Variants in SLC30A8 observed in about 807,000 individuals in gnomAD.
SLC30A8 encodes the protein solute carrier family 30 member 8, also known as proton-coupled zinc antiporter SLC30A8.
In SLC30A8, 27 loss-of-function variants were observed where a neutral mutation model predicts 36.9. The ratio of observed to expected loss-of-function variants is 0.73; its 90% CI spans 0.54 to 1.01. SLC30A8 has a LOEUF of 1.01. Among genes scored for constraint, SLC30A8 ranks in the 50% least tolerant of loss-of-function variants. The probability of loss-of-function intolerance (pLI) is 0.00; values close to 1 mark genes in which losing one functional copy is unlikely to be tolerated. For missense variants in SLC30A8, 439 were observed against 452.0 expected (o/e 0.97, Z 0.26); for synonymous variants, 164 against 172.4 (o/e 0.95, Z 0.38).
chr8:117,005,366 T>C (rs1190940052), intron 1 of SLC30A8, among the ~76,000 whole-genome samples: 2 of 152,244 alleles, frequency 1.3e-5, no homozygotes, highest in Admixed American at 1.3e-4. Flanking sequence ...AGCATAAGAT[T>C]TTCAAGGTTC....
At chr8:116,973,047 C>T (rs968022934) in intron 1 of SLC30A8, among the ~76,000 whole-genome samples, 1 of 152,082 alleles carries the variant, frequency 6.6e-6, no homozygotes, top group African/African-American at 2.4e-5. Context: ...GAATGGGATT[C>T]GTTCTCTTAT....
chr8:117,042,627 T>A (rs1270369998), intron 2 of SLC30A8, among the ~76,000 whole-genome samples: 1 of 151,962 alleles, frequency 6.6e-6, no homozygotes, highest in African/African-American at 2.4e-5. Context: ...TGCTGAGACT[T>A]GGAATAGGCT....
chr8:117,075,807 A>T (rs1447786299), intron 2 of SLC30A8, among the ~76,000 whole-genome samples: 1 of 152,120 alleles, frequency 6.6e-6, no homozygotes, highest in Non-Finnish European at 1.5e-5. Flanking sequence ...CAGGCAAAAA[A>T]CCTTGATAGG....
intron 1 of SLC30A8, among the ~76,000 whole-genome samples, chr8:117,036,567 A>C (rs1325334828): frequency 6.6e-6 from 1 of 152,136 alleles, no homozygotes; most frequent in Non-Finnish European, 1.5e-5. Flanking sequence ...GAAACTTCCA[A>C]TCATGGCGGA....
chr8:117,031,754 G>A (rs1817058864), intron 1 of SLC30A8, among the ~76,000 whole-genome samples: 1 of 152,028 alleles, frequency 6.6e-6, no homozygotes, highest in African/African-American at 2.4e-5. Flanking sequence ...GTGAGCCACC[G>A]CACCCAGCCG....
In SLC30A8 at chr8:117,088,432, G is replaced by A. The variant is rs187124582; in HGVS notation, c.-225-46848G>A. On this transcript the variant is annotated intron_variant, in intron 2 of 10. Coordinates refer to the SLC30A8 transcript ENST00000427715. Reference sequence around the variant, plus strand: ...ACCTCTTTCAAATTAGAAAGCTACAGCCTTCCAACCATGCACATTAATAAC... The same window carrying A: ...ACCTCTTTCAAATTAGAAAGCTACAACCTTCCAACCATGCACATTAATAAC... Among the ~76,000 whole-genome samples, 471 of 152,228 alleles carry A rather than the reference G, an allele frequency of 3.1e-3. 5 individuals carry two copies. Among genetic ancestry groups the A allele is most frequent in the African/African-American group, 0.01 (435 of 41,540 alleles).
intron 2 of SLC30A8, among the ~76,000 whole-genome samples, chr8:117,126,621 C>G (rs983073128): frequency 6.6e-6 from 1 of 151,956 alleles, no homozygotes; most frequent in African/African-American, 2.4e-5. Flanking sequence ...ATTCTTCACC[C>G]ATGATATGCC....
intron 1 of SLC30A8, among the ~76,000 whole-genome samples, chr8:116,967,651 A>G (rs1306017149): frequency 6.6e-6 from 1 of 152,266 alleles, no homozygotes; most frequent in Non-Finnish European, 1.5e-5. Flanking sequence ...TCAAGTATTG[A>G]TAAAATATAC....
At chr8:116,990,306 T>C (rs1815588757) in intron 1 of SLC30A8, among the ~76,000 whole-genome samples, 1 of 151,722 alleles carries the variant, frequency 6.6e-6, no homozygotes. Flanking sequence ...TGAAGAATAG[T>C]GTTTAGAAAG....
chr8:116,955,976 G>T (rs901418331), intron 1 of SLC30A8, among the ~76,000 whole-genome samples: 3 of 152,074 alleles, frequency 2.0e-5, no homozygotes, highest in African/African-American at 4.8e-5. Context: ...AGGAAAAAAT[G>T]GAAAATGAGA....
At chr8:117,140,637 A>C (rs1340675572) in intron 1 of SLC30A8, among the ~76,000 whole-genome samples, 1 of 152,100 alleles carries the variant, frequency 6.6e-6, no homozygotes, top group African/African-American at 2.4e-5. Flanking sequence ...TCAACCAATA[A>C]TCTTACATCT....
intron 1 of SLC30A8, among the ~76,000 whole-genome samples, chr8:116,961,855 C>A (rs1814435074): frequency 6.6e-6 from 1 of 151,854 alleles, no homozygotes; most frequent in South Asian, 2.1e-4. Context: ...GCCTCAAACT[C>A]CTGTATGAGC....
At position 117,034,506 on chromosome 8, in the gene SLC30A8, G is replaced by C. The variant is rs1026678520; in HGVS notation, c.-265-4713G>C. Among the ~76,000 whole-genome samples, 6 of 152,162 alleles carry C rather than the reference G, an allele frequency of 3.9e-5. No homozygotes were observed. In the South Asian group the frequency reaches 8.3e-4, roughly 21 times the overall value. ...TAACAACCCTGTAAGACAGGTACTA[G>C]TATTCACCCTACTTTATGGTTGGGG... On this transcript the variant is annotated intron_variant, in intron 1 of 10. Coordinates refer to the SLC30A8 transcript ENST00000427715.
intron 1 of SLC30A8, among the ~76,000 whole-genome samples, chr8:116,985,335 A>ACACAC (rs1563735131): frequency 1.5e-5 from 2 of 129,348 alleles, no homozygotes; most frequent in African/African-American, 2.8e-5. Flanking sequence ...CACACACACA[A>ACACAC]GTATGTATAT....
chr8:116,993,464 A>G (rs1815714850), intron 1 of SLC30A8, among the ~76,000 whole-genome samples: 2 of 152,110 alleles, frequency 1.3e-5, no homozygotes, highest in Non-Finnish European at 2.9e-5. Context: ...TACAATGTCT[A>G]AAAATTACTG....
intron 1 of SLC30A8, among the ~76,000 whole-genome samples, chr8:117,143,576 T>A (rs1435670168): frequency 6.6e-6 from 1 of 152,036 alleles, no homozygotes; most frequent in Admixed American, 6.6e-5. Context: ...TGATAAGGAA[T>A]ATATCTTAAC....
intron 1 of SLC30A8, among the ~76,000 whole-genome samples, chr8:116,996,742 TG>T (rs2130676023): frequency 6.6e-6 from 1 of 152,324 alleles, no homozygotes; most frequent in East Asian, 1.9e-4. Flanking sequence ...TGTTGGTGGC[TG>T]TACATTTATT....
At chr8:117,027,767 T>C (rs926418658) in intron 1 of SLC30A8, among the ~76,000 whole-genome samples, 1 of 152,184 alleles carries the variant, frequency 6.6e-6, no homozygotes, top group Non-Finnish European at 1.5e-5. Flanking sequence ...GTTTTTCTTT[T>C]TGTTTTTATA....
chr8:117,011,119 G>C (rs1165762427), intron 1 of SLC30A8, among the ~76,000 whole-genome samples: 1 of 152,180 alleles, frequency 6.6e-6, no homozygotes, highest in Admixed American at 6.5e-5. Context: ...CCGAGAGAAC[G>C]AGGGTAACTC....
Sources: allele counts gnomAD v4.1 joint callset (sites outside exome capture counted in the v4.1 genomes callset), GRCh38; gene constraint gnomAD v4.1.1; transcripts MANE v1.5; gene names NCBI Gene and HGNC (gene_info 2026-07-23, HGNC 2026-07-21).